ETF1: variants seen among roughly 807,000 people sequenced by gnomAD.
ETF1 encodes eukaryotic translation termination factor 1.
In ETF1, 4 loss-of-function variants were observed where a neutral mutation model predicts 55.1. The ratio of observed to expected loss-of-function variants is 0.07; its 90% CI spans 0.04 to 0.17. The LOEUF (loss-of-function observed/expected upper bound fraction) is 0.17, where lower values mean the gene tolerates loss of function less well. Among genes scored for constraint, ETF1 ranks in the 10% least tolerant of loss-of-function variants. ETF1 has a pLI of 1.00. For synonymous variants in ETF1, 157 were observed against 182.3 expected (o/e 0.86, Z 1.12); for missense variants, 142 against 523.6 (o/e 0.27, Z 7.11).
chr5:138,512,991 T>A lies in ETF1; in HGVS notation c.542-37A>T, dbSNP rs752653776. ...AAGTAGCAAGAGAAAAAGGCAATTA[T>A]TAAGAACTACAAGATGTCTTCAAAT... On this transcript the variant is annotated intron_variant, in intron 5 of 10. Transcript: ENST00000360541. The A allele has an allele frequency of 1.7e-4, 260 of 1,486,242 alleles. 1 individual carries two copies. The highest frequency in any genetic ancestry group is 2.2e-4 in the Non-Finnish European group (251 of 1,125,272). The allele number at this position is 1,486,242 out of a possible 1,614,324, so 92.1% of individuals were successfully genotyped here.
intron 1 of ETF1, 49 bp from the exon 2 acceptor site, chr5:138,542,985 G>A: frequency 1.3e-6 from 2 of 1,553,980 alleles, no homozygotes; most frequent in Middle Eastern, 1.7e-4. Flanking sequence ...CAGAGTTAGC[G>A]CCGCCGCTGG....
At chr5:138,537,648 C>T (rs976842578) in intron 2 of ETF1, among the ~76,000 whole-genome samples, 1 of 151,926 alleles carries the variant, frequency 6.6e-6, no homozygotes. Flanking sequence ...AGTGCAGTGG[C>T]GCAATCTCGG....
rs1367451862 is a variant in ETF1, at chr5:138,512,221, A to T, written c.732+543T>A. 5.1e-3 allele frequency among the ~76,000 whole-genome samples: 124 copies of T among 24,498 alleles called. 1 individual carries two copies. Among genetic ancestry groups the T allele is most frequent in the Middle Eastern group, 0.017 (1 of 58 alleles). The allele number at this position is 24,498 out of a possible 152,430, so 16.1% of individuals were successfully genotyped here. A position where few individuals can be genotyped will look rare whatever the true frequency, so the allele number is the denominator to read the frequency against. ...TCAAAAAAAAAAAAAAAAAAAAAAA[A>T]AAAAATATATATATATATATATATA... On this transcript the variant is annotated intron_variant, in intron 6 of 10. Transcript: ENST00000360541.
At chr5:138,508,594 A>AG in intron 10 of ETF1, 75 bp downstream of exon 10, 1 of 1,581,684 alleles carries the variant, frequency 6.3e-7, no homozygotes, top group East Asian at 2.2e-5. Flanking sequence ...CACCGGAAGC[A>AG]GGGCTAGGGC....
chr5:138,527,091 C>A (rs891999442), intron 2 of ETF1, among the ~76,000 whole-genome samples: 1 of 152,150 alleles, frequency 6.6e-6, no homozygotes, highest in Non-Finnish European at 1.5e-5. Context: ...CCTGCCTTGG[C>A]CTCCCAAAGT....
At chr5:138,529,681 G>A (rs945843373) in intron 2 of ETF1, 30 of 984,566 alleles carry the variant, frequency 3.0e-5, no homozygotes, top group Non-Finnish European at 3.4e-5. Context: ...GTTAACGTCT[G>A]AAAAATCAAA....
In ETF1 at chr5:138,542,719, G is replaced by A. The variant is rs757283069; in HGVS notation, c.86+114C>T. The A allele has an allele frequency of 8.5e-6, 13 of 1,528,374 alleles. No homozygotes were observed. The East Asian group carries it at 9.8e-5, about 12-fold the overall frequency. 94.7% of individuals were successfully genotyped at this position (1,528,374 alleles called of 1,614,324 possible). ...GGGGCTACTACCCAGAGATCCAGAA[G>A]GCGGGAGTTGGCTAGTGCCTGGTTC... On this transcript the variant is annotated intron_variant, in intron 2 of 10. Coordinates refer to ENST00000360541, the MANE Select transcript of ETF1 (RefSeq NM_004730.4).
rs1404293623 is a variant in ETF1, at chr5:138,539,319, G to T, written c.86+3514C>A. On this transcript the variant is annotated intron_variant, in intron 2 of 10. Coordinates refer to ENST00000360541, the MANE Select transcript of ETF1 (RefSeq NM_004730.4). ...TTATTTCTGAGGCCACCTCTTGCCT[G>T]CTCAGAAAACACCAAGGGAAAAAAC... Among the ~76,000 whole-genome samples, 4 of 152,312 alleles carry T rather than the reference G, an allele frequency of 2.6e-5. No homozygotes were observed. In the South Asian group the frequency reaches 8.3e-4, roughly 32 times the overall value.
chr5:138,508,962 G>T, intron 9 of ETF1, 146 bp from the exon 10 acceptor site: 1 of 1,424,298 alleles, frequency 7.0e-7, no homozygotes, highest in South Asian at 1.6e-5. Context: ...AGTCATCTCT[G>T]GTTTTGATAA....
At chr5:138,514,011 C>G in intron 4 of ETF1, 1 of 705,434 alleles carries the variant, frequency 1.4e-6, no homozygotes, top group Non-Finnish European at 1.7e-6. Context: ...ATATTACATA[C>G]AGCAGTTAAT....
chr5:138,521,323 G>A (rs1352787896), intron 2 of ETF1, among the ~76,000 whole-genome samples: 2 of 152,280 alleles, frequency 1.3e-5, no homozygotes, highest in Non-Finnish European at 2.9e-5. Context: ...AGCAACTGGA[G>A]TAAGGTGGAA....
Position 138,520,510 on chromosome 5 carries a change from C to T in ETF1, c.87-1643G>A, listed in dbSNP as rs6884188. Among the ~76,000 whole-genome samples the T allele has an allele frequency of 4.3e-3, 662 of 152,296 alleles. 3 individuals are homozygous for T. The highest frequency in any genetic ancestry group is 6.9e-3 in the Non-Finnish European group (469 of 68,016). On this transcript the variant is annotated intron_variant, in intron 2 of 10. Coordinates refer to ENST00000360541, the MANE Select transcript of ETF1 (RefSeq NM_004730.4). The stretch of plus-strand genomic sequence containing the variant: ...CATCACTACCAGTCAAGAAATATCT[C>T]ATCGGAAAATTCCTACTTCTATGCA...
chr5:138,527,609 G>C (rs558957248), intron 2 of ETF1, among the ~76,000 whole-genome samples: 22 of 152,280 alleles, frequency 1.4e-4, no homozygotes, highest in African/African-American at 4.8e-4. Flanking sequence ...TCACAATCTA[G>C]ACTGTAGGTG....
At chr5:138,523,940 G>T (rs1765344031) in intron 2 of ETF1, among the ~76,000 whole-genome samples, 2 of 151,932 alleles carry the variant, frequency 1.3e-5, no homozygotes, top group African/African-American at 4.8e-5. Context: ...ACTCTGGGAG[G>T]CCGAGGCAGG....
chr5:138,520,048 G>A (rs1765173009), intron 2 of ETF1, among the ~76,000 whole-genome samples: 1 of 143,692 alleles, frequency 7.0e-6, no homozygotes, highest in African/African-American at 2.6e-5. Flanking sequence ...AGAAACATAA[G>A]AGCAAACTAA....
At chr5:138,509,145 A>G in intron 9 of ETF1, 2 of 985,422 alleles carry the variant, frequency 2.0e-6, no homozygotes, top group Non-Finnish European at 2.4e-6. Context: ...CACCCATTCA[A>G]TGGCTCAGAA....
rs1450465755 is a variant in ETF1, at chr5:138,542,662, G to A, written c.86+171C>T. 5 of 1,436,798 alleles carry A rather than the reference G, an allele frequency of 3.5e-6. No individual in the cohort carries two copies. The Admixed American group carries it at 1.4e-4, about 39-fold the overall frequency. The allele number at this position is 1,436,798 out of a possible 1,614,324, so 89.0% of individuals were successfully genotyped here. On this transcript the variant is annotated intron_variant, in intron 2 of 10. Coordinates refer to ENST00000360541, the MANE Select transcript of ETF1 (RefSeq NM_004730.4). ...CATGCGGGGAAAGGACCCCTTCTCG[G>A]GCCAACCGCGCCGACCCTCGCCCCT...
At chr5:138,516,371 A>AACACACAC (rs3884296) in intron 4 of ETF1, among the ~76,000 whole-genome samples, 1 of 150,662 alleles carries the variant, frequency 6.6e-6, no homozygotes, top group African/African-American at 2.4e-5. Context: ...CAAAAATCAA[A>AACACACAC]ACACACACAC....
intron 8 of ETF1, 105 bp downstream of exon 8, chr5:138,510,940 G>T: frequency 6.5e-7 from 1 of 1,527,062 alleles, no homozygotes. Flanking sequence ...ACAATGGGTA[G>T]ATCTACCTTC....
Sources: allele counts gnomAD v4.1 joint callset (sites outside exome capture counted in the v4.1 genomes callset), GRCh38; gene constraint gnomAD v4.1.1; transcripts MANE v1.5; gene names NCBI Gene and HGNC (gene_info 2026-07-23, HGNC 2026-07-21).